Variants in SLC6A18 observed in about 807,000 individuals in gnomAD.
SLC6A18 encodes inactive sodium-dependent neutral amino acid transporter B(0)AT3.
In SLC6A18, 58 loss-of-function variants were observed where a neutral mutation model predicts 62.9. The ratio of observed to expected loss-of-function variants is 0.92; its 90% CI spans 0.75 to 1.15. The LOEUF is 1.15. SLC6A18 is among the 50% of genes most tolerant of loss of function. The pLI is 0.00. For missense variants in SLC6A18, 793 were observed against 836.6 expected, an observed-to-expected ratio of 0.95 and a Z score of 0.64; for synonymous variants, 382 against 365.8, an observed-to-expected ratio of 1.04 and a Z score of -0.51.
chr5:1,227,122 TGCCCGTC>T, intron 1 of SLC6A18, among the ~76,000 whole-genome samples: 1 of 145,234 alleles, frequency 6.9e-6, no homozygotes, highest in Non-Finnish European at 1.5e-5. Context: ...GCCGACGCCT[TGCCCGTC>T]GATGCCTTGC....
At position 1,244,360 on chromosome 5, in the gene SLC6A18, T is replaced by C. The variant is rs758774038; in HGVS notation, c.1483T>C (p.Tyr495His). The change falls in exon 10 of 12, where the codon TAT (tyrosine) becomes CAT (histidine). Residue 495 changes from tyrosine (Y) to histidine (H), a missense_variant. Coordinates refer to ENST00000324642, the MANE Select transcript of SLC6A18 (RefSeq NM_182632.3). Reference protein sequence around the residue: ...FLEVVGVVYVYGMKRFCDDIA... With the variant: ...FLEVVGVVYVHGMKRFCDDIA... ...CGAGGTTGTGGGTGTCGTTTATGTTTATGGAATGAAACGGTGAGCTGCCGC... is the reference window on the plus strand; with the variant it reads ...CGAGGTTGTGGGTGTCGTTTATGTTCATGGAATGAAACGGTGAGCTGCCGC... The C allele has an allele frequency of 3.3e-5, 54 of 1,613,930 alleles. No individual in the cohort carries two copies. Among genetic ancestry groups the C allele is most frequent in the Non-Finnish European group, 4.3e-5 (51 of 1,179,982 alleles).
chr5:1,239,808 C>T (rs1252728776), intron 6 of SLC6A18, among the ~76,000 whole-genome samples: 1 of 152,222 alleles, frequency 6.6e-6, no homozygotes, highest in Non-Finnish European at 1.5e-5. Context: ...TCAAAATGCA[C>T]ATGACACGTG....
At chr5:1,232,614 T>G (rs566003590) in intron 2 of SLC6A18, 137 bp from the exon 3 acceptor site, 3 of 1,283,460 alleles carry the variant, frequency 2.3e-6, no homozygotes, top group African/African-American at 1.5e-5. Flanking sequence ...ATGTGAGGTG[T>G]GAGGGAGGCC....
rs764525558 is a variant in SLC6A18 at position 1,240,484 on chromosome 5, C to T, written c.846-47C>T. The T allele has an allele frequency of 6.8e-6, 11 of 1,608,950 alleles. No homozygotes were observed. The African/African-American group carries it at 1.3e-4, about 20-fold the overall frequency. On this transcript the variant is annotated intron_variant, in intron 6 of 11. Coordinates refer to ENST00000324642, the MANE Select transcript of SLC6A18 (RefSeq NM_182632.3). ...CCTCACTTCCTCCCCTGGATGAGGC[C>T]CAGTTACCTCCTGCAAAGCCTGTGA...
intron 6 of SLC6A18, among the ~76,000 whole-genome samples, chr5:1,240,042 A>G (rs1411025347): frequency 1.3e-5 from 2 of 152,194 alleles, no homozygotes; most frequent in African/African-American, 2.4e-5. Flanking sequence ...GGCAGTTTGC[A>G]TGAGATGGGA....
At chr5:1,236,497 G>A (rs577714421) in intron 4 of SLC6A18, among the ~76,000 whole-genome samples, 2 of 152,298 alleles carry the variant, frequency 1.3e-5, no homozygotes, top group East Asian at 1.9e-4. Context: ...TCAACCATGT[G>A]GTTTCCATTG....
rs756869109 is a variant in SLC6A18, at chr5:1,246,117, G to A, written c.*39G>A. On this transcript the variant is annotated 3_prime_UTR_variant, in exon 12 of 12. Coordinates refer to ENST00000324642, the MANE Select transcript of SLC6A18 (RefSeq NM_182632.3). The stretch of plus-strand genomic sequence containing the variant: ...GGGGCCTGCATGGGCGGGTCTGTGG[G>A]GGGGCTTGGCCTGATGGTGGGCGGG... 323 of 1,523,282 alleles carry A rather than the reference G, an allele frequency of 2.1e-4. No individual in the cohort carries two copies. Among genetic ancestry groups the A allele is most frequent in the Non-Finnish European group, 2.7e-4 (313 of 1,140,150 alleles). 94.4% of individuals were successfully genotyped at this position (1,523,282 alleles called of 1,614,324 possible).
At chr5:1,233,749 AT>A (rs70957337) in intron 3 of SLC6A18, among the ~76,000 whole-genome samples, 4 of 138,624 alleles carry the variant, frequency 2.9e-5, no homozygotes, top group Non-Finnish European at 4.7e-5. Context: ...CACTCAGCTA[AT>A]TTTTTTTTTG....
chr5:1,233,530 C>T (rs191444249), intron 3 of SLC6A18, among the ~76,000 whole-genome samples: 34 of 151,898 alleles, frequency 2.2e-4, no homozygotes, highest in African/African-American at 8.2e-4. Context: ...CAGACCTCAG[C>T]CAGGAGCTCC....
Position 1,245,995 on chromosome 5 carries a change from G to A in SLC6A18, c.1804G>A (p.Asp602Asn), listed in dbSNP as rs369995811. The A allele has an allele frequency of 3.8e-5, 60 of 1,598,026 alleles. No homozygotes were observed. In the South Asian group the frequency reaches 5.9e-4, roughly 16 times the overall value. ...TRRRRTWRDR[D>N]ARPDTDMRPD... Reference sequence around the variant, plus strand: ...GCGGAGGCGGACGTGGAGGGACAGGGACGCGCGCCCAGACACGGACATGCG... The same window carrying A: ...GCGGAGGCGGACGTGGAGGGACAGGAACGCGCGCCCAGACACGGACATGCG... The change falls in exon 12 of 12, where the codon GAC becomes AAC. Residue 602 changes from aspartate (D) to asparagine (N), a missense_variant. Coordinates refer to ENST00000324642, the MANE Select transcript of SLC6A18 (RefSeq NM_182632.3).
intron 1 of SLC6A18, among the ~76,000 whole-genome samples, chr5:1,228,224 T>C (rs1746633431): frequency 6.6e-6 from 1 of 152,204 alleles, no homozygotes; most frequent in South Asian, 2.1e-4. Flanking sequence ...CCCTTGGCCC[T>C]GTGCTGCTTT....
rs951214931 is a variant in SLC6A18, at chr5:1,233,830, C to T, written c.439+942C>T. 2.6e-5 allele frequency among the ~76,000 whole-genome samples: 4 copies of T among 151,696 alleles called. 1 individual carries two copies. Among genetic ancestry groups the T allele is most frequent in the Non-Finnish European group, 5.9e-5 (4 of 67,980 alleles). ...TATCTTGGCTCACTGCAAGCTCTGC[C>T]TCCCAGGTTCACGCCATTCTCCTGC... On this transcript the variant is annotated intron_variant, in intron 3 of 11. Coordinates refer to ENST00000324642, the MANE Select transcript of SLC6A18 (RefSeq NM_182632.3).
chr5:1,237,835 C>T, intron 4 of SLC6A18, 115 bp from the exon 5 acceptor site: 1 of 779,482 alleles, frequency 1.3e-6, no homozygotes, highest in Non-Finnish European at 2.2e-6. Context: ...CAATCCCATA[C>T]CAGAGGCAGC....
At chr5:1,237,508 G>A (rs1746915045) in intron 4 of SLC6A18, among the ~76,000 whole-genome samples, 1 of 152,152 alleles carries the variant, frequency 6.6e-6, no homozygotes, top group South Asian at 2.1e-4. Flanking sequence ...ACTCGAGAGT[G>A]GACAGGAGGG....
chr5:1,225,930 T>A (rs1281426460), intron 1 of SLC6A18, among the ~76,000 whole-genome samples: 1 of 152,162 alleles, frequency 6.6e-6, no homozygotes. Flanking sequence ...TCAGGTTGAA[T>A]GGGCCGCCCT....
intron 1 of SLC6A18, among the ~76,000 whole-genome samples, chr5:1,229,860 A>C (rs767226764): frequency 8.2e-5 from 9 of 109,254 alleles, no homozygotes; most frequent in Non-Finnish European, 1.5e-4. Flanking sequence ...CAGGCTGGAG[A>C]TGGGGGAGGG....
intron 5 of SLC6A18, among the ~76,000 whole-genome samples, chr5:1,238,450 T>A (rs868278604): frequency 4.4e-5 from 3 of 68,912 alleles, no homozygotes; most frequent in Admixed American, 3.6e-4. Context: ...GGAGTGAGCT[T>A]GGGGCCTCAG....
At chr5:1,244,436 C>T (rs983868301) in intron 10 of SLC6A18, 63 bp downstream of exon 10, 2 of 1,598,164 alleles carry the variant, frequency 1.3e-6, no homozygotes, top group Admixed American at 1.7e-5. Context: ...GGAATGGCTG[C>T]CGGGCACAGG....
At chr5:1,235,683 A>G (rs1746866210) in intron 4 of SLC6A18, 21 bp downstream of exon 4, 1 of 1,612,962 alleles carries the variant, frequency 6.2e-7, no homozygotes, top group Non-Finnish European at 8.5e-7. Context: ...GCAGGGCCTG[A>G]TCCCCTCTCT....
Sources: allele counts gnomAD v4.1 joint callset (sites outside exome capture counted in the v4.1 genomes callset), GRCh38; gene constraint gnomAD v4.1.1; transcripts MANE v1.5; gene names NCBI Gene and HGNC (gene_info 2026-07-23, HGNC 2026-07-21).